FBXL20: variants seen among roughly 807,000 people sequenced by gnomAD.
FBXL20 encodes F-box/LRR-repeat protein 20.
FBXL20 carries 11 observed loss-of-function variants against 64.0 expected under a neutral mutation model. The ratio of observed to expected loss-of-function variants is 0.17; its 90% CI spans 0.11 to 0.28. FBXL20 has a LOEUF of 0.28. Ranked by LOEUF, FBXL20 falls within the 10% of genes least tolerant of loss-of-function variation. FBXL20 has a pLI of 1.00. For missense variants in FBXL20, 303 were observed against 526.2 expected (o/e 0.58, Z 4.15); for synonymous variants, 184 against 189.0 (o/e 0.97, Z 0.22).
intron 6 of FBXL20, among the ~76,000 whole-genome samples, chr17:39,289,388 T>C (rs1334648782): frequency 1.3e-5 from 2 of 152,256 alleles, no homozygotes; most frequent in Non-Finnish European, 2.9e-5. Flanking sequence ...CCAGTCTCAG[T>C]GGCTCAGGCC....
chr17:39,391,877 C>A (rs2048136844), intron 1 of FBXL20, among the ~76,000 whole-genome samples: 1 of 149,632 alleles, frequency 6.7e-6, no homozygotes, highest in Non-Finnish European at 1.5e-5. Context: ...GGTGTGGTGG[C>A]TCACGCCTGT....
chr17:39,314,495 C>G (rs2047265776), intron 2 of FBXL20, among the ~76,000 whole-genome samples: 1 of 151,496 alleles, frequency 6.6e-6, no homozygotes, highest in Non-Finnish European at 1.5e-5. Flanking sequence ...ATTACAGGCA[C>G]AAGGAACCAC....
intron 9 of FBXL20, among the ~76,000 whole-genome samples, chr17:39,277,565 T>C (rs1445566375): frequency 6.6e-6 from 1 of 151,912 alleles, no homozygotes; most frequent in Non-Finnish European, 1.5e-5. Flanking sequence ...GAGACCAGCC[T>C]AACATGGCGA....
Position 39,374,308 on chromosome 17 carries a change from C to T in FBXL20, c.42+27053G>A, listed in dbSNP as rs192688274. 6.1e-4 allele frequency among the ~76,000 whole-genome samples: 93 copies of T among 152,014 alleles called. 1 individual carries two copies. Among genetic ancestry groups the T allele is most frequent in the Admixed American group, 2.1e-3 (32 of 15,238 alleles). ...CTTTGGGAGGCCAAGGTGGTTGGAT[C>T]GCTTGAGGTTGGGAGTTTGAAACCA... On this transcript the variant is annotated intron_variant, in intron 1 of 14. Coordinates refer to ENST00000264658, the MANE Select transcript of FBXL20 (RefSeq NM_032875.3).
chr17:39,287,363 C>T (rs1388591001), intron 6 of FBXL20, among the ~76,000 whole-genome samples: 3 of 152,134 alleles, frequency 2.0e-5, no homozygotes, highest in African/African-American at 7.2e-5. Flanking sequence ...TTCTCTTTGG[C>T]TGATATGTCT....
intron 1 of FBXL20, among the ~76,000 whole-genome samples, chr17:39,381,092 G>A (rs575957783): frequency 3.9e-4 from 59 of 152,024 alleles, no homozygotes; most frequent in Non-Finnish European, 5.7e-4. Flanking sequence ...CCCGGGAGGC[G>A]GAAGTTGCAG....
chr17:39,285,658 C>T (rs935861315), intron 6 of FBXL20, 85 bp from the exon 7 acceptor site: 4 of 777,402 alleles, frequency 5.1e-6, no homozygotes, highest in African/African-American at 3.6e-5. Context: ...TTATTAAACA[C>T]ATGTGTATAT....
chr17:39,387,808 G>A (rs946770838), intron 1 of FBXL20, among the ~76,000 whole-genome samples: 2 of 151,570 alleles, frequency 1.3e-5, no homozygotes, highest in African/African-American at 4.8e-5. Flanking sequence ...GAACTCCTGG[G>A]CTCAAGCGAT....
chr17:39,323,089 C>G (rs2047373766), intron 2 of FBXL20, among the ~76,000 whole-genome samples: 1 of 152,078 alleles, frequency 6.6e-6, no homozygotes, highest in South Asian at 2.1e-4. Context: ...CCTGCCTCAG[C>G]CTCCCGAGTA....
intron 3 of FBXL20, among the ~76,000 whole-genome samples, chr17:39,303,308 A>G (rs567571630): frequency 6.6e-6 from 1 of 152,216 alleles, no homozygotes; most frequent in African/African-American, 2.4e-5. Flanking sequence ...ATTTTGAGTC[A>G]AGTCTAAACT....
intron 2 of FBXL20, 101 bp downstream of exon 2, chr17:39,343,078 GA>G (rs1192031864): frequency 1.5e-6 from 1 of 659,216 alleles, no homozygotes; most frequent in East Asian, 3.0e-5. Flanking sequence ...TTCAGATACA[GA>G]TACTATACAT....
chr17:39,258,629 TA>T lies in FBXL20; in HGVS notation c.*2830del, dbSNP rs1256959765. The T allele has an allele frequency of 6.6e-6, 1 of 152,262 alleles. No individual in the cohort carries two copies. Among genetic ancestry groups the T allele is most frequent in the Non-Finnish European group, 1.5e-5 (1 of 68,060 alleles). 9.4% of individuals were successfully genotyped at this position (152,262 alleles called of 1,614,324 possible). A position where few individuals can be genotyped will look rare whatever the true frequency, so the allele number is the denominator to read the frequency against. ...TCCAAGATCATCATGAACTGATGAA[TA>T]GAGTCTTTTAAACTTATCTTTTAAG... is the stretch of plus-strand genomic sequence containing the variant. On this transcript the variant is annotated 3_prime_UTR_variant, in exon 15 of 15. Transcript: ENST00000264658.
chr17:39,272,542 T>C (rs1298814586), intron 10 of FBXL20, among the ~76,000 whole-genome samples: 1 of 150,306 alleles, frequency 6.7e-6, no homozygotes, highest in African/African-American at 2.4e-5. Context: ...CTACCAAAAA[T>C]ACCAAAAAAA....
At chr17:39,274,940 A>AT (rs535856844) in intron 10 of FBXL20, 30 bp downstream of exon 10, 6 of 1,610,968 alleles carry the variant, frequency 3.7e-6, no homozygotes, top group South Asian at 1.1e-5. Flanking sequence ...TTGTTCTATG[A>AT]TTTTTTTGAG....
At chr17:39,383,088 G>A (rs138896352) in intron 1 of FBXL20, among the ~76,000 whole-genome samples, 116 of 150,370 alleles carry the variant, frequency 7.7e-4, no homozygotes, top group African/African-American at 2.4e-3. Flanking sequence ...TCTTGAACCC[G>A]GGAGGCAGAG....
At chr17:39,402,028 C>T (rs1274309860), upstream of FBXL20, 2 of 682,244 alleles carry the variant, frequency 2.9e-6, no homozygotes, top group African/African-American at 1.9e-5. Flanking sequence ...CCCTCTCCTC[C>T]CTCCGCGGGC....
chr17:39,395,140 C>T (rs964587238), intron 1 of FBXL20, among the ~76,000 whole-genome samples: 2 of 152,088 alleles, frequency 1.3e-5, no homozygotes, highest in Non-Finnish European at 2.9e-5. Context: ...GTGACCACTT[C>T]TAGGCCGGGC....
intron 13 of FBXL20, 125 bp from the exon 14 acceptor site, chr17:39,264,512 A>G: frequency 1.0e-6 from 1 of 957,304 alleles, no homozygotes; most frequent in Non-Finnish European, 1.5e-6. Context: ...CTGGCACTAG[A>G]TCCACGTGGT....
At chr17:39,360,668 T>C (rs944083146) in intron 1 of FBXL20, among the ~76,000 whole-genome samples, 2 of 152,212 alleles carry the variant, frequency 1.3e-5, no homozygotes, top group African/African-American at 4.8e-5. Context: ...GAAATGTCTG[T>C]CAGAATCCAC....
Sources: gnomAD v4.1 joint callset for allele counts (sites outside exome capture counted in the v4.1 genomes callset) on GRCh38, gnomAD v4.1.1 for gene constraint, MANE v1.5 for transcripts, NCBI Gene and HGNC (gene_info 2026-07-23, HGNC 2026-07-21) for gene names.